Variants in KIF2A observed in about 807,000 individuals in gnomAD.
KIF2A encodes the protein kinesin family member 2A, also known as kinesin-like protein KIF2A.
In KIF2A, 22 loss-of-function variants were observed where a neutral mutation model predicts 100.2. The ratio of observed to expected loss-of-function variants is 0.22; its 90% CI spans 0.16 to 0.31. The LOEUF is 0.31. Ranked by LOEUF, KIF2A falls within the 10% of genes least tolerant of loss-of-function variation. KIF2A has a pLI of 1.00. For missense variants in KIF2A, 495 were observed against 898.7 expected (o/e 0.55, Z 5.74); for synonymous variants, 268 against 285.9 (o/e 0.94, Z 0.63).
Position 62,390,056 on chromosome 5 carries a change from G to A in KIF2A, c.*4487G>A, listed in dbSNP as rs906965604. Among the ~76,000 whole-genome samples the A allele has an allele frequency of 2.0e-5, 3 of 152,124 alleles. No individual in the cohort carries two copies. Reference sequence around the variant, plus strand: ...TAAAATATAAACTCCATTTGTCTTAGTTATATAGAACTGTGTTTCCAGCTT... The same window carrying A: ...TAAAATATAAACTCCATTTGTCTTAATTATATAGAACTGTGTTTCCAGCTT... On this transcript the variant is annotated 3_prime_UTR_variant, in exon 21 of 21. Coordinates refer to ENST00000407818, the MANE Select transcript of KIF2A (RefSeq NM_001098511.3).
intron 1 of KIF2A, among the ~76,000 whole-genome samples, chr5:62,328,315 G>T (rs1746475894): frequency 1.3e-5 from 1 of 76,962 alleles, no homozygotes; most frequent in South Asian, 5.5e-4. Context: ...TTCTAGTACT[G>T]TGTGGTTTTT....
chr5:62,361,877 C>A (rs528200212), intron 11 of KIF2A, among the ~76,000 whole-genome samples: 78 of 151,314 alleles, frequency 5.2e-4, no homozygotes, highest in Admixed American at 3.3e-3. Flanking sequence ...CAAAAAAAAA[C>A]TTAGCCAGGC....
chr5:62,351,367 A>G (rs1271542105), intron 4 of KIF2A, among the ~76,000 whole-genome samples: 1 of 152,142 alleles, frequency 6.6e-6, no homozygotes, highest in Non-Finnish European at 1.5e-5. Flanking sequence ...AAAGAAAGGA[A>G]TGGGGAAAGA....
intron 1 of KIF2A, among the ~76,000 whole-genome samples, chr5:62,344,283 G>A (rs758370361): frequency 4.6e-5 from 7 of 151,446 alleles, no homozygotes; most frequent in Non-Finnish European, 7.4e-5. Context: ...GGTGGAGGTT[G>A]CAGTGAGCCG....
intron 20 of KIF2A, among the ~76,000 whole-genome samples, chr5:62,382,044 TG>T (rs1741794426): frequency 2.0e-5 from 3 of 152,220 alleles, no homozygotes; most frequent in Admixed American, 1.3e-4. Context: ...TGCACACTGT[TG>T]GCTTTGTTTA....
intron 1 of KIF2A, among the ~76,000 whole-genome samples, chr5:62,320,482 C>T (rs1746042587): frequency 6.6e-6 from 1 of 152,034 alleles, no homozygotes; most frequent in Non-Finnish European, 1.5e-5. Flanking sequence ...ATGCCTGTTT[C>T]CTCATACTCT....
At chr5:62,337,031 AACTAAT>A (rs1227904721) in intron 1 of KIF2A, among the ~76,000 whole-genome samples, 1 of 151,460 alleles carries the variant, frequency 6.6e-6, no homozygotes, top group Non-Finnish European at 1.5e-5. Context: ...AAACAATAAA[AACTAAT>A]ACTATAATTA....
Position 62,308,877 on chromosome 5 carries a change from A to T in KIF2A, c.64+2341A>T, listed in dbSNP as rs546865837. On this transcript the variant is annotated intron_variant, in intron 1 of 20. Coordinates refer to ENST00000407818, the MANE Select transcript of KIF2A (RefSeq NM_001098511.3). Reference sequence around the variant, plus strand: ...ACCAATGTTAGTAAAATTGTATTAGAGATTTTTGTTAAATAAGTGGATTTT... The same window carrying T: ...ACCAATGTTAGTAAAATTGTATTAGTGATTTTTGTTAAATAAGTGGATTTT... Among the ~76,000 whole-genome samples, 38 of 150,872 alleles carry T rather than the reference A, an allele frequency of 2.5e-4. 1 individual carries two copies. Among genetic ancestry groups the T allele is most frequent in the African/African-American group, 7.3e-4 (30 of 40,962 alleles).
Position 62,385,612 on chromosome 5 carries a change from G to A in KIF2A, c.*43G>A. 7.3e-7 allele frequency: 1 copy of A among 1,366,870 alleles called. No individual in the cohort carries two copies. The highest frequency in any genetic ancestry group is 1.0e-6 in the Non-Finnish European group (1 of 976,316). 84.7% of individuals were successfully genotyped at this position (1,366,870 alleles called of 1,614,324 possible). A position where few individuals can be genotyped will look rare whatever the true frequency, so the allele number is the denominator to read the frequency against. ...AAGGATACCCAGAACCCTCACTACT[G>A]TAACATACAACGGTTCAGCTGTAAG... On this transcript the variant is annotated 3_prime_UTR_variant, in exon 21 of 21. Transcript: ENST00000407818.
chr5:62,388,725 T>C lies in KIF2A; in HGVS notation c.*3156T>C, dbSNP rs1742153541. On this transcript the variant is annotated 3_prime_UTR_variant, in exon 21 of 21. Transcript: ENST00000407818. ...ATAGAAGAGTAACATCTTTATACAA[T>C]AAACTGTTAGAAATGATAAGTGTAA... The C allele has an allele frequency of 2.5e-6, 1 of 399,186 alleles. No homozygotes were observed. 24.7% of individuals were successfully genotyped at this position (399,186 alleles called of 1,614,324 possible). A position where few individuals can be genotyped will look rare whatever the true frequency, so the allele number is the denominator to read the frequency against.
At chr5:62,343,342 C>G (rs1667079973) in intron 1 of KIF2A, among the ~76,000 whole-genome samples, 2 of 152,176 alleles carry the variant, frequency 1.3e-5, no homozygotes, top group African/African-American at 4.8e-5. Flanking sequence ...AAAGGCACCA[C>G]TATTTACTCA....
At chr5:62,376,939 C>T (rs1366552839) in intron 18 of KIF2A, among the ~76,000 whole-genome samples, 2 of 152,078 alleles carry the variant, frequency 1.3e-5, no homozygotes, top group African/African-American at 4.8e-5. Flanking sequence ...GTGGAACTTG[C>T]AAATATGAAA....
In KIF2A at chr5:62,352,691, A is replaced by G; in HGVS notation, c.438A>G (p.Lys146=). 6.2e-7 allele frequency: 1 copy of G among 1,611,996 alleles called. No individual in the cohort carries two copies. Among genetic ancestry groups the G allele is most frequent in the Non-Finnish European group, 8.5e-7 (1 of 1,178,868 alleles). Residue 146 remains lysine (K), a synonymous_variant, in exon 5 of 21, where the codon AAA becomes AAG. Transcript: ENST00000407818. The part of the protein sequence containing the change: ...VSDISPVQAA[K]KEFGPPSRRK... ...ATATATCTCCAGTTCAAGCTGCAAA[A>G]AAGGAATTTGGACCCCCTTGTATGT...
At position 62,348,040 on chromosome 5, in the gene KIF2A, G is replaced by C; in HGVS notation, c.160-8G>C. The C allele has an allele frequency of 6.2e-7, 1 of 1,613,404 alleles. No individual in the cohort carries two copies. Among genetic ancestry groups the C allele is most frequent in the Non-Finnish European group, 8.5e-7 (1 of 1,179,518 alleles). On this transcript the variant is annotated splice_polypyrimidine_tract_variant and splice_region_variant and intron_variant, in intron 2 of 20. Coordinates refer to ENST00000407818, the MANE Select transcript of KIF2A (RefSeq NM_001098511.3). ...TCTCAAAAGACTATGTGTATGTGTT[G>C]TGAACAGATTGACCTGGAGAGCATC...
chr5:62,363,983 T>C, intron 14 of KIF2A, 84 bp downstream of exon 14: 1 of 1,024,018 alleles, frequency 9.8e-7, no homozygotes, highest in Non-Finnish European at 1.4e-6. Flanking sequence ...GTAGTACTTG[T>C]TTTACCTAAT....
intron 1 of KIF2A, among the ~76,000 whole-genome samples, chr5:62,312,560 C>T (rs767343709): frequency 9.9e-5 from 15 of 152,150 alleles, no homozygotes; most frequent in Non-Finnish European, 1.8e-4. Flanking sequence ...TTTGAGATTA[C>T]GATTCTTAAG....
intron 1 of KIF2A, among the ~76,000 whole-genome samples, chr5:62,332,599 G>A (rs1174644966): frequency 6.6e-6 from 1 of 151,980 alleles, no homozygotes; most frequent in Non-Finnish European, 1.5e-5. Context: ...ATCTAAGTTT[G>A]GGGTGAACAT....
Position 62,387,989 on chromosome 5 carries a change from A to G in KIF2A, c.*2420A>G, listed in dbSNP as rs2112025542. The G allele has an allele frequency of 6.6e-6, 1 of 152,272 alleles. No homozygotes were observed. Among genetic ancestry groups the G allele is most frequent in the East Asian group, 1.9e-4 (1 of 5,190 alleles). The allele number at this position is 152,272 out of a possible 1,614,324, so 9.4% of individuals were successfully genotyped here. A position where few individuals can be genotyped will look rare whatever the true frequency, so the allele number is the denominator to read the frequency against. On this transcript the variant is annotated 3_prime_UTR_variant, in exon 21 of 21. Coordinates refer to ENST00000407818, the MANE Select transcript of KIF2A (RefSeq NM_001098511.3). ...ATTTTTATTAATTTTTTATAGAAAC[A>G]AAATAGCTACTATAACTCTATTATA... is the stretch of plus-strand genomic sequence containing the variant.
intron 1 of KIF2A, among the ~76,000 whole-genome samples, chr5:62,310,215 G>A (rs1057264127): frequency 4.0e-5 from 6 of 151,698 alleles, no homozygotes; most frequent in Non-Finnish European, 5.9e-5. Flanking sequence ...CACCATGCCC[G>A]GCTAATTTTT....
Sources: gnomAD v4.1 joint callset for allele counts (sites outside exome capture counted in the v4.1 genomes callset) on GRCh38, gnomAD v4.1.1 for gene constraint, MANE v1.5 for transcripts, NCBI Gene and HGNC (gene_info 2026-07-23, HGNC 2026-07-21) for gene names.